Variants in FERMT2 observed in about 807,000 individuals in gnomAD.
The protein encoded by FERMT2 is FERM domain containing kindlin 2, also known as fermitin family homolog 2.
In FERMT2, 15 loss-of-function variants were observed where a neutral mutation model predicts 82.7. That is an observed-to-expected ratio of 0.18 (90% confidence interval 0.12 to 0.28). The LOEUF is 0.28. Ranked by LOEUF, FERMT2 falls within the 10% of genes least tolerant of loss-of-function variation. The pLI, the probability that FERMT2 is intolerant of heterozygous loss-of-function variation, is 1.00. For missense variants in FERMT2, 645 were observed against 809.4 expected (o/e 0.80, Z 2.46); for synonymous variants, 274 against 271.5 (o/e 1.01, Z -0.09).
chr14:52,947,108 GCCCACTT>G (rs1413265640), intron 2 of FERMT2, among the ~76,000 whole-genome samples: 1 of 152,146 alleles, frequency 6.6e-6, no homozygotes, highest in African/African-American at 2.4e-5. Context: ...ATTCCCCAAA[GCCCACTT>G]CATGACATAT....
intron 2 of FERMT2, among the ~76,000 whole-genome samples, chr14:52,926,454 A>ACACT (rs1491166305): frequency 2.9e-5 from 4 of 138,126 alleles, no homozygotes; most frequent in Non-Finnish European, 6.3e-5. Context: ...ACACACACAC[A>ACACT]CTCAGCCTGG....
intron 3 of FERMT2, among the ~76,000 whole-genome samples, chr14:52,904,118 C>T (rs143952490): frequency 5.4e-4 from 82 of 152,292 alleles, no homozygotes; most frequent in Admixed American, 1.4e-3. Flanking sequence ...ACCAGCCTGG[C>T]GCCTGTAATC....
intron 7 of FERMT2, among the ~76,000 whole-genome samples, chr14:52,877,288 T>C (rs1439294741): frequency 2.6e-5 from 4 of 152,206 alleles, no homozygotes; most frequent in Admixed American, 2.6e-4. Flanking sequence ...TGGCAAAACC[T>C]CCACTAGAAA....
chr14:52,950,995 TGTCCGC>T lies in FERMT2; in HGVS notation c.-90_-85del, dbSNP rs1890614422. On this transcript the variant is annotated 5_prime_UTR_variant, in exon 1 of 15. Coordinates refer to ENST00000341590, the MANE Select transcript of FERMT2 (RefSeq NM_006832.3). ...GGGCTGGAGGCTCGCGGGGCGGCGG[TGTCCGC>T]GTCCGGTTCCTCGGCTGGCGAAGCG... is the stretch of plus-strand genomic sequence containing the variant. 1 of 152,176 alleles carries T rather than the reference TGTCCGC, an allele frequency of 6.6e-6. No individual in the cohort carries two copies. The highest frequency in any genetic ancestry group is 1.4e-5 in the Non-Finnish European group (1 of 69,186). The allele number at this position is 152,176 out of a possible 1,614,324, so 9.4% of individuals were successfully genotyped here. A position where few individuals can be genotyped will look rare whatever the true frequency, so the allele number is the denominator to read the frequency against.
intron 2 of FERMT2, among the ~76,000 whole-genome samples, chr14:52,949,261 C>T (rs1890500738): frequency 6.6e-6 from 1 of 151,824 alleles, no homozygotes; most frequent in Admixed American, 6.6e-5. Flanking sequence ...TTGCAAAATG[C>T]ATCAGAGTGC....
At chr14:52,918,448 A>G (rs1202709532) in intron 3 of FERMT2, among the ~76,000 whole-genome samples, 1 of 152,236 alleles carries the variant, frequency 6.6e-6, no homozygotes, top group African/African-American at 2.4e-5. Flanking sequence ...AAAATTTAAC[A>G]TGAATAAAAA....
chr14:52,867,609 T>TA (rs1174633368), intron 10 of FERMT2, among the ~76,000 whole-genome samples: 3 of 152,280 alleles, frequency 2.0e-5, no homozygotes, highest in African/African-American at 7.2e-5. Context: ...CACTTACCAT[T>TA]ACTGCTAACT....
intron 3 of FERMT2, among the ~76,000 whole-genome samples, chr14:52,901,558 G>T (rs1398449793): frequency 6.6e-6 from 1 of 152,172 alleles, no homozygotes; most frequent in South Asian, 2.1e-4. Flanking sequence ...AGGAAGAAGA[G>T]AGATGAGACA....
At chr14:52,932,343 C>T (rs1889629085) in intron 2 of FERMT2, among the ~76,000 whole-genome samples, 2 of 152,142 alleles carry the variant, frequency 1.3e-5, no homozygotes, top group Admixed American at 1.3e-4. Flanking sequence ...TGATGATTAT[C>T]CTGCACATCT....
intron 4 of FERMT2, 145 bp downstream of exon 4, chr14:52,893,148 C>T (rs1319496393): frequency 8.1e-6 from 5 of 615,558 alleles, no homozygotes; most frequent in Non-Finnish European, 1.3e-5. Context: ...AGGTGTGTGC[C>T]ACCATGCCTG....
intron 2 of FERMT2, among the ~76,000 whole-genome samples, chr14:52,935,650 T>G (rs1758432931): frequency 6.6e-6 from 1 of 152,184 alleles, no homozygotes; most frequent in Non-Finnish European, 1.5e-5. Context: ...GAGAAATAAG[T>G]GCTTACTGTT....
intron 3 of FERMT2, among the ~76,000 whole-genome samples, chr14:52,916,696 T>C (rs1888634075): frequency 1.3e-5 from 2 of 152,298 alleles, no homozygotes; most frequent in South Asian, 2.1e-4. Flanking sequence ...TGAGTGATAA[T>C]GGTATGTCAA....
chr14:52,950,467 T>C lies in FERMT2; in HGVS notation c.102A>G (p.Arg34=), dbSNP rs746410807. 5 of 1,613,890 alleles carry C rather than the reference T, an allele frequency of 3.1e-6. No individual in the cohort carries two copies. In the Admixed American group the frequency reaches 6.7e-5, roughly 22 times the overall value. ...CTCCAATGTGCACCTCGCCGGTCAC[T>C]CTCAGGGTGACATCGCGGTTCAGGT... ...VTDLNRDVTL[R]VTGEVHIGGV... The change falls in exon 2 of 15, where the codon AGA becomes AGG. Residue 34 remains arginine (R), a synonymous_variant. Transcript: ENST00000341590.
At chr14:52,869,373 T>C (rs1038837177) in intron 10 of FERMT2, among the ~76,000 whole-genome samples, 5 of 152,236 alleles carry the variant, frequency 3.3e-5, no homozygotes, top group African/African-American at 9.6e-5. Flanking sequence ...GCAGAGCTCA[T>C]GTACTAGGGT....
chr14:52,921,675 C>T (rs560307035), intron 2 of FERMT2, among the ~76,000 whole-genome samples: 3 of 152,052 alleles, frequency 2.0e-5, no homozygotes, highest in South Asian at 2.1e-4. Flanking sequence ...ACTGAATGAT[C>T]GGTAGGTAGT....
chr14:52,915,909 A>G (rs1376539842), intron 3 of FERMT2, among the ~76,000 whole-genome samples: 3 of 152,266 alleles, frequency 2.0e-5, no homozygotes, highest in Non-Finnish European at 2.9e-5. Flanking sequence ...AGAATGGACG[A>G]ACAGACATAT....
chr14:52,947,254 C>A (rs1288620833), intron 2 of FERMT2, among the ~76,000 whole-genome samples: 4 of 152,126 alleles, frequency 2.6e-5, no homozygotes, highest in Non-Finnish European at 5.9e-5. Flanking sequence ...CCAAGGCAGG[C>A]GGATGACGAG....
chr14:52,929,460 C>T (rs1269012630), intron 2 of FERMT2, among the ~76,000 whole-genome samples: 7 of 152,294 alleles, frequency 4.6e-5, no homozygotes, highest in Admixed American at 4.6e-4. Context: ...CTTCTAACTG[C>T]ACTTAAATAA....
chr14:52,887,138 CTTT>C (rs879787163), intron 4 of FERMT2, among the ~76,000 whole-genome samples: 2 of 141,890 alleles, frequency 1.4e-5, no homozygotes, highest in South Asian at 2.2e-4. Flanking sequence ...GATCCCAGCA[CTTT>C]TTTTTTTTTT....
Sources: allele counts gnomAD v4.1 joint callset (sites outside exome capture counted in the v4.1 genomes callset), GRCh38; gene constraint gnomAD v4.1.1; transcripts MANE v1.5; gene names NCBI Gene and HGNC (gene_info 2026-07-23, HGNC 2026-07-21).